The following AGBL4 variants were observed in gnomAD, a reference collection of about 807,000 sequenced individuals.
The protein encoded by AGBL4 is cytosolic carboxypeptidase 6.
AGBL4 carries 58 observed loss-of-function variants against 66.4 expected under a neutral mutation model. The ratio of observed to expected loss-of-function variants is 0.87; its 90% confidence interval spans 0.71 to 1.09. The LOEUF is 1.09. AGBL4 is among the 50% of genes least tolerant of loss of function. AGBL4 has a pLI of 0.00. For missense variants in AGBL4, 579 were observed against 631.0 expected, an observed-to-expected ratio of 0.92 and a Z score of 0.88; for synonymous variants, 234 against 222.9, an observed-to-expected ratio of 1.05 and a Z score of -0.44.
chr1:48,961,631 G>A (rs1418731177), intron 5 of AGBL4, among the ~76,000 whole-genome samples: 11 of 152,206 alleles, frequency 7.2e-5, no homozygotes, highest in Non-Finnish European at 1.6e-4. Flanking sequence ...GCATCACTGT[G>A]CAGTGCTGCC....
intron 3 of AGBL4, among the ~76,000 whole-genome samples, chr1:49,461,809 T>G (rs1646518972): frequency 6.6e-6 from 1 of 151,828 alleles, no homozygotes; most frequent in Admixed American, 6.6e-5. Flanking sequence ...TCATCCTCTT[T>G]TATGGCTCCA....
chr1:49,659,707 C>T (rs1646230076), intron 3 of AGBL4, among the ~76,000 whole-genome samples: 1 of 152,144 alleles, frequency 6.6e-6, no homozygotes, highest in African/African-American at 2.4e-5. Flanking sequence ...TTAGACAGAT[C>T]ATTGAGACAG....
chr1:49,403,371 A>C (rs183229842), intron 3 of AGBL4, among the ~76,000 whole-genome samples: 31 of 152,238 alleles, frequency 2.0e-4, no homozygotes, highest in African/African-American at 7.2e-4. Context: ...TTTATAGGCA[A>C]AATGTGTTTC....
intron 5 of AGBL4, among the ~76,000 whole-genome samples, chr1:48,908,451 A>G (rs1480363722): frequency 1.3e-5 from 2 of 152,198 alleles, no homozygotes; most frequent in African/African-American, 4.8e-5. Context: ...AATTCCCTAT[A>G]AGTGAGGTCT....
rs1570956481 is a variant in AGBL4, at chr1:48,900,335, TA to T, written c.595-33106del. ...AAGAGGATGGGCATGATCAGATTTG[TA>T]TTGCAAAAAATCCACTAAATCCTAG... is the stretch of plus-strand genomic sequence containing the variant. On this transcript the variant is annotated intron_variant, in intron 5 of 13. Coordinates refer to ENST00000371839, the MANE Select transcript of AGBL4 (RefSeq NM_032785.4). Among the ~76,000 whole-genome samples, 3 of 152,338 alleles carry T rather than the reference TA, an allele frequency of 2.0e-5. No individual in the cohort carries two copies. In the East Asian group the frequency reaches 5.8e-4, roughly 29 times the overall value.
At chr1:49,718,528 CAT>C (rs1648341480) in intron 2 of AGBL4, among the ~76,000 whole-genome samples, 1 of 151,972 alleles carries the variant, frequency 6.6e-6, no homozygotes, top group South Asian at 2.1e-4. Flanking sequence ...CTAAAAGAAA[CAT>C]AAACGGGTCA....
At chr1:48,915,003 T>C (rs1653463834) in intron 5 of AGBL4, among the ~76,000 whole-genome samples, 1 of 152,238 alleles carries the variant, frequency 6.6e-6, no homozygotes, top group East Asian at 1.9e-4. Flanking sequence ...ACACTGGAAG[T>C]CCAAATTCCT....
chr1:49,655,406 T>G (rs1172024738), intron 3 of AGBL4, among the ~76,000 whole-genome samples: 1 of 152,170 alleles, frequency 6.6e-6, no homozygotes, highest in Non-Finnish European at 1.5e-5. Context: ...AATCTGACAA[T>G]TAAGTGTCTT....
intron 3 of AGBL4, among the ~76,000 whole-genome samples, chr1:49,290,249 T>C (rs1408461083): frequency 6.6e-6 from 1 of 152,244 alleles, no homozygotes; most frequent in East Asian, 1.9e-4. Context: ...ATAGATCCAC[T>C]GATGTCTGAG....
At chr1:48,877,671 C>A (rs1649354829) in intron 5 of AGBL4, among the ~76,000 whole-genome samples, 1 of 152,026 alleles carries the variant, frequency 6.6e-6, no homozygotes, top group Non-Finnish European at 1.5e-5. Context: ...CAATTCATAT[C>A]CTTAGTGTCC....
intron 3 of AGBL4, among the ~76,000 whole-genome samples, chr1:49,539,178 C>T (rs1390160795): frequency 6.6e-6 from 1 of 151,902 alleles, no homozygotes; most frequent in Non-Finnish European, 1.5e-5. Context: ...TAAAAATATA[C>T]AGTATAATGT....
At chr1:48,552,209 G>A (rs1360189615) in intron 11 of AGBL4, among the ~76,000 whole-genome samples, 1 of 152,022 alleles carries the variant, frequency 6.6e-6, no homozygotes, top group African/African-American at 2.4e-5. Flanking sequence ...GACTACAGGT[G>A]TGTGCCACCA....
chr1:49,645,251 A>C (rs2124423388), intron 3 of AGBL4, among the ~76,000 whole-genome samples: 1 of 151,596 alleles, frequency 6.6e-6, no homozygotes, highest in East Asian at 1.9e-4. Flanking sequence ...TGAAATAGAA[A>C]ACAGCAAAAG....
At chr1:49,501,845 CTT>C (rs1648190689) in intron 3 of AGBL4, among the ~76,000 whole-genome samples, 1 of 152,096 alleles carries the variant, frequency 6.6e-6, no homozygotes, top group African/African-American at 2.4e-5. Context: ...TTTAATGTCT[CTT>C]TTAATTTCTT....
intron 5 of AGBL4, among the ~76,000 whole-genome samples, chr1:49,006,455 C>T (rs1254962449): frequency 1.3e-5 from 2 of 151,914 alleles, no homozygotes; most frequent in Non-Finnish European, 1.5e-5. Flanking sequence ...GGGGGAGGGG[C>T]GCCCGCCATT....
intron 3 of AGBL4, among the ~76,000 whole-genome samples, chr1:49,358,779 A>G (rs1201534911): frequency 6.6e-6 from 1 of 152,224 alleles, no homozygotes; most frequent in Non-Finnish European, 1.5e-5. Context: ...ATTGTGAAAC[A>G]ACTTTTCAAT....
Position 48,590,546 on chromosome 1 carries a change from A to T in AGBL4, c.1104+287T>A, listed in dbSNP as rs1387504357. ...ACCCCGGCCTGAGTGACAGAGCGAG[A>T]TCCTGTCTCAAAACAAAACAAAACA... On this transcript the variant is annotated intron_variant, in intron 10 of 13. Transcript: ENST00000371839. Among the ~76,000 whole-genome samples, 3 of 152,098 alleles carry T rather than the reference A, an allele frequency of 2.0e-5. No homozygotes were observed. In the East Asian group the frequency reaches 5.8e-4, roughly 29 times the overall value.
chr1:49,311,435 G>A (rs1252568236), intron 3 of AGBL4, among the ~76,000 whole-genome samples: 5 of 151,922 alleles, frequency 3.3e-5, no homozygotes, highest in Non-Finnish European at 7.4e-5. Context: ...TGACTAAATG[G>A]AACCTACATA....
intron 2 of AGBL4, among the ~76,000 whole-genome samples, chr1:49,814,709 G>A (rs1645189388): frequency 6.6e-6 from 1 of 152,008 alleles, no homozygotes; most frequent in Non-Finnish European, 1.5e-5. Context: ...ATGCAGTGTT[G>A]TACAAATATT....
Sources: gnomAD v4.1 joint callset for allele counts (sites outside exome capture counted in the v4.1 genomes callset) on GRCh38, gnomAD v4.1.1 for gene constraint, MANE v1.5 for transcripts, NCBI Gene and HGNC (gene_info 2026-07-23, HGNC 2026-07-21) for gene names.